The following SMYD3 variants were observed in gnomAD, a reference collection of about 807,000 sequenced individuals.
SMYD3 encodes SET and MYND domain containing 3, also known as histone-lysine N-methyltransferase SMYD3.
In SMYD3, 36 loss-of-function variants were observed where a neutral mutation model predicts 57.7. The ratio of observed to expected loss-of-function variants is 0.62; its 90% CI spans 0.48 to 0.82. The LOEUF (loss-of-function observed/expected upper bound fraction) is 0.82. SMYD3 is among the 40% of genes least tolerant of loss of function. SMYD3 has a pLI of 0.00. For synonymous variants in SMYD3, 211 were observed against 195.0 expected, an observed-to-expected ratio of 1.08 and a Z score of -0.68; for missense variants, 515 against 538.8, an observed-to-expected ratio of 0.96 and a Z score of 0.44.
chr1:246,024,225 C>T (rs529812554), intron 5 of SMYD3, among the ~76,000 whole-genome samples: 4 of 152,310 alleles, frequency 2.6e-5, no homozygotes, highest in Non-Finnish European at 2.9e-5. Flanking sequence ...ATATAGCTTA[C>T]ATTTTATCTT....
chr1:246,038,696 A>G (rs1047935118), intron 5 of SMYD3, among the ~76,000 whole-genome samples: 3 of 152,234 alleles, frequency 2.0e-5, no homozygotes, highest in Non-Finnish European at 4.4e-5. Context: ...CATCAGTGAC[A>G]TGGGGGCATC....
intron 5 of SMYD3, among the ~76,000 whole-genome samples, chr1:245,937,415 T>C (rs1182730713): frequency 6.6e-6 from 1 of 151,900 alleles, no homozygotes; most frequent in East Asian, 1.9e-4. Flanking sequence ...TCCTTGCTAA[T>C]AGCAAAATAG....
chr1:246,502,645 C>T (rs758072187), intron 1 of SMYD3, among the ~76,000 whole-genome samples: 5 of 152,116 alleles, frequency 3.3e-5, no homozygotes, highest in South Asian at 2.1e-4. Context: ...GGTAGATTTC[C>T]CTCCAAGGTC....
At chr1:246,383,425 A>T (rs2066421596) in intron 1 of SMYD3, among the ~76,000 whole-genome samples, 1 of 152,236 alleles carries the variant, frequency 6.6e-6, no homozygotes, top group African/African-American at 2.4e-5. Flanking sequence ...AGACCAATGA[A>T]TCAGAATCTA....
intron 5 of SMYD3, among the ~76,000 whole-genome samples, chr1:245,999,204 T>A (rs763874128): frequency 4.7e-5 from 7 of 150,018 alleles, no homozygotes; most frequent in Non-Finnish European, 8.9e-5. Context: ...AACCAAACTA[T>A]AAAGAAGAAA....
chr1:246,034,939 A>G (rs1362369965), intron 5 of SMYD3, among the ~76,000 whole-genome samples: 1 of 152,176 alleles, frequency 6.6e-6, no homozygotes, highest in East Asian at 1.9e-4. Context: ...AAGAGAAAAT[A>G]CAGACACACA....
In SMYD3 at chr1:246,202,989, G is replaced by A. The variant is rs886853548; in HGVS notation, c.531+124212C>T. ...AAAATACAAAATTTAGCTGGTCGTG[G>A]TGGTGGGCGCCTATAATCCCAGCTA... On this transcript the variant is annotated intron_variant, in intron 5 of 11. Transcript: ENST00000490107. The surrounding 1 kb of genome is among the most constrained non-coding windows in gnomAD (Gnocchi z 4.1). Among the ~76,000 whole-genome samples, 18 of 152,142 alleles carry A rather than the reference G, an allele frequency of 1.2e-4. No homozygotes were observed. Among genetic ancestry groups the A allele is most frequent in the South Asian group, 2.1e-4 (1 of 4,822 alleles).
intron 5 of SMYD3, among the ~76,000 whole-genome samples, chr1:246,169,865 C>T (rs1430475478): frequency 6.6e-6 from 1 of 150,478 alleles, no homozygotes; most frequent in Non-Finnish European, 1.5e-5. Flanking sequence ...GATTGTGCCA[C>T]TGCACTCCAG....
In SMYD3 at chr1:246,252,315, T is replaced by C. The variant is rs111908137; in HGVS notation, c.531+74886A>G. 7.3e-3 allele frequency among the ~76,000 whole-genome samples: 1,111 copies of C among 152,012 alleles called. 15 individuals are homozygous for C. Among genetic ancestry groups the C allele is most frequent in the African/African-American group, 0.025 (1,024 of 41,398 alleles). On this transcript the variant is annotated intron_variant, in intron 5 of 11. Transcript: ENST00000490107. ...CTGTGCCCACGTACTCTGAATGGCG[T>C]ATACACAATGATAATAAAAGATAAC...
At chr1:246,038,028 G>A (rs903783243) in intron 5 of SMYD3, among the ~76,000 whole-genome samples, 3 of 152,220 alleles carry the variant, frequency 2.0e-5, no homozygotes, top group Admixed American at 6.5e-5. Flanking sequence ...GAGTGTGGCT[G>A]TGTTCTAATA....
chr1:245,950,706 G>A (rs1425806775), intron 5 of SMYD3, among the ~76,000 whole-genome samples: 1 of 152,216 alleles, frequency 6.6e-6, no homozygotes, highest in East Asian at 1.9e-4. Context: ...CTTATGCCAA[G>A]TCAGTGGTCT....
At chr1:246,241,295 G>C (rs575015031) in intron 5 of SMYD3, among the ~76,000 whole-genome samples, 18 of 152,270 alleles carry the variant, frequency 1.2e-4, no homozygotes, top group East Asian at 5.8e-4. Context: ...AGAATTTTTA[G>C]CATGAAGGGC....
At chr1:246,240,951 G>C (rs1309260577) in intron 5 of SMYD3, among the ~76,000 whole-genome samples, 1 of 152,064 alleles carries the variant, frequency 6.6e-6, no homozygotes, top group Non-Finnish European at 1.5e-5. Context: ...TGTATCCTGA[G>C]ACTTTGCTGA....
intron 5 of SMYD3, among the ~76,000 whole-genome samples, chr1:246,124,119 G>A (rs1443833037): frequency 6.6e-6 from 1 of 152,154 alleles, no homozygotes; most frequent in Non-Finnish European, 1.5e-5. Context: ...TTGAATTAAT[G>A]ATGAATTATC....
chr1:246,231,080 A>G (rs72774472), intron 5 of SMYD3, among the ~76,000 whole-genome samples: 23,249 of 152,148 alleles, frequency 0.15, 2,368 homozygotes, highest in East Asian at 0.34. Flanking sequence ...GACTTAGTGT[A>G]CTTTTGGCCA....
rs942731969 is a variant in SMYD3, at chr1:246,068,592, T to C, written c.532-138655A>G. Among the ~76,000 whole-genome samples, 4 of 152,332 alleles carry C rather than the reference T, an allele frequency of 2.6e-5. No homozygotes were observed. The South Asian group carries it at 8.3e-4, about 32-fold the overall frequency. Reference sequence around the variant, plus strand: ...GACGGAGCGCAGGGTGCCTGCAACCTGCTACCAGTCAAACCCCTACCACAG... The same window carrying C: ...GACGGAGCGCAGGGTGCCTGCAACCCGCTACCAGTCAAACCCCTACCACAG... On this transcript the variant is annotated intron_variant, in intron 5 of 11. Transcript: ENST00000490107.
At chr1:246,025,250 G>C (rs1352408915) in intron 5 of SMYD3, among the ~76,000 whole-genome samples, 2 of 149,306 alleles carry the variant, frequency 1.3e-5, no homozygotes, top group East Asian at 4.0e-4. Context: ...ACAGCAAGTG[G>C]ACAGCATCTA....
rs550997500 is a variant in SMYD3, at chr1:246,207,352, G to A, written c.531+119849C>T. Among the ~76,000 whole-genome samples the A allele has an allele frequency of 5.9e-5, 9 of 152,100 alleles. No individual in the cohort carries two copies. The East Asian group carries it at 9.7e-4, about 16-fold the overall frequency. On this transcript the variant is annotated intron_variant, in intron 5 of 11. Coordinates refer to ENST00000490107, the MANE Select transcript of SMYD3 (RefSeq NM_001167740.2). Reference sequence around the variant, plus strand: ...TTACTTACACTGCCTCTCCTTCCACGTTTTCATCGTTATCAGTGGCCCATG... The same window carrying A: ...TTACTTACACTGCCTCTCCTTCCACATTTTCATCGTTATCAGTGGCCCATG...
intron 1 of SMYD3, among the ~76,000 whole-genome samples, chr1:246,451,007 TC>T (rs1263812786): frequency 2.2e-4 from 34 of 152,146 alleles, no homozygotes; most frequent in African/African-American, 7.5e-4. Flanking sequence ...AGACAAAGAA[TC>T]TCCCAATGGT....
Sources: gnomAD v4.1 joint callset for allele counts (sites outside exome capture counted in the v4.1 genomes callset) on GRCh38, gnomAD v4.1.1 for gene constraint, Gnocchi (gnomAD v3.1) non-coding constraint, MANE v1.5 for transcripts, NCBI Gene and HGNC (gene_info 2026-07-23, HGNC 2026-07-21) for gene names.